ZNRF3: variants seen among roughly 807,000 people sequenced by gnomAD.
ZNRF3 encodes the protein zinc and ring finger 3.
Under a neutral mutation model 72.5 loss-of-function variants are expected in ZNRF3, and 23 were observed. The observed-to-expected ratio is 0.32, with a 90% CI of 0.23 to 0.45. The LOEUF (loss-of-function observed/expected upper bound fraction) is 0.45. Ranked by LOEUF, ZNRF3 falls within the 20% of genes least tolerant of loss-of-function variation. ZNRF3 has a pLI of 1.00. For synonymous variants in ZNRF3, 610 were observed against 545.3 expected (o/e 1.12, Z -1.65); for missense variants, 1,169 against 1,272.1 (o/e 0.92, Z 1.23).
intron 1 of ZNRF3, among the ~76,000 whole-genome samples, chr22:28,955,906 G>A (rs1208796862): frequency 6.6e-6 from 1 of 152,172 alleles, no homozygotes; most frequent in Non-Finnish European, 1.5e-5. Flanking sequence ...ATGACAGAGT[G>A]AGACCTTGTC....
At chr22:29,041,226 T>C (rs2123880145) in intron 2 of ZNRF3, among the ~76,000 whole-genome samples, 1 of 152,290 alleles carries the variant, frequency 6.6e-6, no homozygotes, top group South Asian at 2.1e-4. Context: ...CAACCCAACC[T>C]CTACCTCTTG....
At chr22:28,986,659 T>C (rs2035859492) in intron 1 of ZNRF3, 1 of 985,260 alleles carries the variant, frequency 1.0e-6, no homozygotes, top group East Asian at 1.1e-4. Flanking sequence ...AGTAGACATG[T>C]TGTTGAAGTC....
At chr22:28,953,004 T>C (rs1309481527) in intron 1 of ZNRF3, among the ~76,000 whole-genome samples, 2 of 152,224 alleles carry the variant, frequency 1.3e-5, no homozygotes, top group African/African-American at 4.8e-5. Flanking sequence ...GGTTTCTGCT[T>C]AACTTCAGAT....
rs115003740 is a variant in ZNRF3, at chr22:29,011,311, G to C, written c.426+24110G>C. 2.5e-3 allele frequency among the ~76,000 whole-genome samples: 376 copies of C among 152,258 alleles called. 1 individual carries two copies. The highest frequency in any genetic ancestry group is 7.9e-3 in the African/African-American group (328 of 41,544). On this transcript the variant is annotated intron_variant, in intron 2 of 8. Transcript: ENST00000544604. ...CTGGCTGCGGGGGTCCAGCAGGCTG[G>C]CTACATTATTCTGTGGTCAACCTCT...
chr22:28,885,930 C>CA (rs5844826), intron 1 of ZNRF3, among the ~76,000 whole-genome samples: 5,714 of 126,488 alleles, frequency 0.045, 159 homozygotes, highest in South Asian at 0.096. Flanking sequence ...TTAGCCTAGC[C>CA]AAAAAAAAAA....
chr22:28,948,210 ACTGGAGTGCAGTGGCACAATCATAG>A (rs2035089932), intron 1 of ZNRF3, among the ~76,000 whole-genome samples: 1 of 150,416 alleles, frequency 6.6e-6, no homozygotes, highest in Admixed American at 6.6e-5. Context: ...TGTCGCCTAG[ACTGGAGTGCAGTGGCACAATCATAG>A]CTCCATGCAG....
chr22:29,003,302 G>A (rs1416177112), intron 2 of ZNRF3, among the ~76,000 whole-genome samples: 1 of 151,914 alleles, frequency 6.6e-6, no homozygotes, highest in Non-Finnish European at 1.5e-5. Flanking sequence ...GGATCACGAG[G>A]GCAGGAGATA....
intron 1 of ZNRF3, among the ~76,000 whole-genome samples, chr22:28,890,066 A>C (rs1231222254): frequency 6.6e-6 from 1 of 152,204 alleles, no homozygotes; most frequent in Non-Finnish European, 1.5e-5. Context: ...AATTGATGAG[A>C]ACAACTTGCT....
chr22:28,956,316 T>C (rs1407356305), intron 1 of ZNRF3, among the ~76,000 whole-genome samples: 1 of 151,720 alleles, frequency 6.6e-6, no homozygotes, highest in Non-Finnish European at 1.5e-5. Context: ...GCTGGTGGCA[T>C]GTTTTAGATT....
chr22:28,992,310 A>G (rs1427382436), intron 2 of ZNRF3, among the ~76,000 whole-genome samples: 1 of 151,976 alleles, frequency 6.6e-6, no homozygotes, highest in Non-Finnish European at 1.5e-5. Context: ...TGTTGAGCAG[A>G]AAGAGGAATT....
intron 1 of ZNRF3, among the ~76,000 whole-genome samples, chr22:28,929,171 G>T (rs959340472): frequency 2.0e-5 from 3 of 152,242 alleles, no homozygotes; most frequent in Non-Finnish European, 4.4e-5. Flanking sequence ...CAGGAAGCCA[G>T]CGGCCTTTGA....
intron 2 of ZNRF3, among the ~76,000 whole-genome samples, chr22:29,034,999 CTTTT>C (rs10607848): frequency 0.037 from 4,802 of 131,118 alleles, 110 homozygotes; most frequent in African/African-American, 0.063. Context: ...TTTGTTAGAC[CTTTT>C]TTTTTTTTTT....
At chr22:28,885,727 A>G (rs1336767987) in intron 1 of ZNRF3, among the ~76,000 whole-genome samples, 2 of 152,124 alleles carry the variant, frequency 1.3e-5, no homozygotes, top group Non-Finnish European at 2.9e-5. Flanking sequence ...CTGGTGAGCG[A>G]GCTATCCATT....
At chr22:28,893,514 T>C (rs1015535183) in intron 1 of ZNRF3, among the ~76,000 whole-genome samples, 16 of 151,782 alleles carry the variant, frequency 1.1e-4, no homozygotes, top group African/African-American at 3.9e-4. Context: ...TTTTTTTTTT[T>C]CGAGACAAGT....
intron 1 of ZNRF3, among the ~76,000 whole-genome samples, chr22:28,956,224 T>C (rs1160201796): frequency 6.6e-6 from 1 of 151,832 alleles, no homozygotes; most frequent in African/African-American, 2.4e-5. Context: ...TTCCCTGAAA[T>C]AGAAGGCACT....
rs764538479 is a variant in ZNRF3 at position 29,049,528 on chromosome 22, C to G, written c.1347C>G (p.Pro449=). The G allele has an allele frequency of 6.2e-7, 1 of 1,604,794 alleles. No homozygotes were observed. Among genetic ancestry groups the G allele is most frequent in the South Asian group, 1.1e-5 (1 of 90,724 alleles). ...AYSPAHPFRR[P]KLSGRSFSKA... ...CCCCAGCCCACCCCTTCCGCAGGCC[C>G]AAGTTGAGTGGCCGCAGCTTCTCCA... The change falls in exon 8 of 9, where the codon CCC becomes CCG. Residue 449 remains proline, a synonymous_variant. Transcript: ENST00000544604. The surrounding 1 kb of genome is among the most constrained non-coding windows in gnomAD (Gnocchi z 5.2).
chr22:28,949,777 C>G (rs2035123578), intron 1 of ZNRF3, among the ~76,000 whole-genome samples: 1 of 152,218 alleles, frequency 6.6e-6, no homozygotes, highest in South Asian at 2.1e-4. Context: ...CTGCCCTGCA[C>G]TCATCTATAT....
intron 8 of ZNRF3, among the ~76,000 whole-genome samples, chr22:29,051,236 C>T (rs141711434): frequency 2.0e-5 from 3 of 152,256 alleles, no homozygotes; most frequent in Non-Finnish European, 4.4e-5. Context: ...TCCGCATGCT[C>T]ACACCAAAAA....
rs910211328 is a variant in ZNRF3 at position 29,051,049 on chromosome 22, G to A, written c.2767+101G>A. 1.5e-5 allele frequency: 20 copies of A among 1,326,706 alleles called. No homozygotes were observed. In the Admixed American group the frequency reaches 4.8e-4, roughly 32 times the overall value. The allele number at this position is 1,326,706 out of a possible 1,614,324, so 82.2% of individuals were successfully genotyped here. On this transcript the variant is annotated intron_variant, in intron 8 of 8. Transcript: ENST00000544604. ...TCTGAATGACTTCTTTTGTGTCCTT[G>A]GTTTTAAACACCATCTGAGGCTGAA...
Sources: gnomAD v4.1 joint callset for allele counts (sites outside exome capture counted in the v4.1 genomes callset) on GRCh38, gnomAD v4.1.1 for gene constraint, Gnocchi (gnomAD v3.1) non-coding constraint, MANE v1.5 for transcripts, NCBI Gene and HGNC (gene_info 2026-07-23, HGNC 2026-07-21) for gene names.